MRPS18C: variants seen among roughly 807,000 people sequenced by gnomAD.
MRPS18C encodes small ribosomal subunit protein bS18m.
MRPS18C carries 21 observed loss-of-function variants against 21.0 expected under a neutral mutation model. The ratio of observed to expected loss-of-function variants is 1.00; its 90% CI spans 0.71 to 1.44. MRPS18C has a LOEUF of 1.44. Among genes scored for constraint, MRPS18C ranks in the 40% most tolerant of loss-of-function variants. The probability of loss-of-function intolerance (pLI) is 0.00; values close to 1 mark genes in which losing one functional copy is unlikely to be tolerated. For missense variants in MRPS18C, 152 were observed against 171.5 expected (o/e 0.89, Z 0.64); for synonymous variants, 65 against 54.3 (o/e 1.20, Z -0.87).
chr4:83,456,259 C>G (rs1721817456), intron 1 of MRPS18C, 82 bp downstream of exon 1: 1 of 693,584 alleles, frequency 1.4e-6, no homozygotes, highest in Non-Finnish European at 2.5e-6. Context: ...TCCCTGTTAG[C>G]AAAACGACTC....
chr4:83,459,471 A>G (rs1482122565), intron 3 of MRPS18C: 1 of 310,364 alleles, frequency 3.2e-6, no homozygotes, highest in Non-Finnish European at 5.9e-6. Context: ...TATTTTAGAA[A>G]GGTATCTGTG....
At chr4:83,459,144 C>CAAAAAAAAAAAA (rs59202184) in intron 3 of MRPS18C, 1 of 48,134 alleles carries the variant, frequency 2.1e-5, no homozygotes, top group Non-Finnish European at 4.6e-5. Flanking sequence ...AAAACTCTGT[C>CAAAAAAAAAAAA]AAAAAAAAAA....
rs756109273 is a variant in MRPS18C, at chr4:83,461,044, T to C, written c.352+12T>C. On this transcript the variant is annotated intron_variant, in intron 5 of 5. Coordinates refer to ENST00000295491, the MANE Select transcript of MRPS18C (RefSeq NM_016067.4). The stretch of plus-strand genomic sequence containing the variant: ...AGCTCAAATAATGGGTAAGAAAGAA[T>C]ACCTCAACAACTGAATTGAGCTAGC... The C allele has an allele frequency of 3.1e-6, 5 of 1,608,162 alleles. No individual in the cohort carries two copies. Among genetic ancestry groups the C allele is most frequent in the Middle Eastern group, 1.7e-4 (1 of 6,050 alleles).
At position 83,459,769 on chromosome 4, in the gene MRPS18C, T is replaced by G; in HGVS notation, c.264T>G (p.Thr88=). 1 of 1,611,040 alleles carries G rather than the reference T, an allele frequency of 6.2e-7. No individual in the cohort carries two copies. The highest frequency in any genetic ancestry group is 1.3e-5 in the African/African-American group (1 of 74,992). The stretch of plus-strand genomic sequence containing the variant: ...TGTCCCAGTTTGTTTCTCCATTTAC[T>G]GGATGCATTTATGGAAGGCACATTA... ...QLLSQFVSPF[T]GCIYGRHITG... The change falls in exon 4 of 6, where the codon ACT becomes ACG. Residue 88 remains threonine, a synonymous_variant. Transcript: ENST00000295491.
intron 4 of MRPS18C, 188 bp downstream of exon 4, chr4:83,459,985 A>T: frequency 2.1e-6 from 1 of 479,536 alleles, no homozygotes; most frequent in South Asian, 3.5e-5. Flanking sequence ...TTGCTGTCTT[A>T]TGCAGAGTTA....
At chr4:83,456,564 G>A (rs74350697) in intron 1 of MRPS18C, among the ~76,000 whole-genome samples, 4 of 152,024 alleles carry the variant, frequency 2.6e-5, no homozygotes, top group African/African-American at 9.7e-5. Flanking sequence ...TTTCTGGGAC[G>A]GGTCTGTTAC....
intron 2 of MRPS18C, 144 bp downstream of exon 2, chr4:83,457,102 A>C: frequency 1.6e-6 from 1 of 627,862 alleles, no homozygotes; most frequent in Non-Finnish European, 2.7e-6. Flanking sequence ...AAACAATTTG[A>C]TAATTACTCT....
rs567705389 is a variant in MRPS18C at position 83,456,076 on chromosome 4, C to A, written c.-2C>A. The A allele has an allele frequency of 6.2e-7, 1 of 1,612,342 alleles. No homozygotes were observed. The highest frequency in any genetic ancestry group is 8.5e-7 in the Non-Finnish European group (1 of 1,179,984). On this transcript the variant is annotated 5_prime_UTR_variant, in exon 1 of 6. Transcript: ENST00000295491. Reference sequence around the variant, plus strand: ...GAAAGGAAGTGGAAGAAACGCGGAACCATGGCCGCTGTGGTTGCTGTTTGC... The same window carrying A: ...GAAAGGAAGTGGAAGAAACGCGGAAACATGGCCGCTGTGGTTGCTGTTTGC...
chr4:83,456,179 TAA>T lies in MRPS18C; in HGVS notation c.100+4_100+5del. ...TTACACATCCCGGGACTCACACGGG[TAA>T]AGTCTCCATATCCTATGCTCCATTG... On this transcript the variant is annotated splice_donor_region_variant and intron_variant, in intron 1 of 5. Transcript: ENST00000295491. 2 of 1,610,480 alleles carry T rather than the reference TAA, an allele frequency of 1.2e-6. No individual in the cohort carries two copies. The highest frequency in any genetic ancestry group is 1.7e-6 in the Non-Finnish European group (2 of 1,177,292).
chr4:83,457,767 C>A (rs1473768469), intron 2 of MRPS18C: 1 of 152,660 alleles, frequency 6.6e-6, no homozygotes, highest in Non-Finnish European at 1.5e-5. Flanking sequence ...AGATTAAGAA[C>A]CTCTATCCTG....
At position 83,459,844 on chromosome 4, in the gene MRPS18C, A is replaced by G; in HGVS notation, c.292+47A>G. 1.4e-6 allele frequency: 2 copies of G among 1,457,344 alleles called. 1 individual carries two copies. Among genetic ancestry groups the G allele is most frequent in the Non-Finnish European group, 1.9e-6 (2 of 1,056,170 alleles). 90.3% of individuals were successfully genotyped at this position (1,457,344 alleles called of 1,614,324 possible). A position where few individuals can be genotyped will look rare whatever the true frequency, so the allele number is the denominator to read the frequency against. On this transcript the variant is annotated intron_variant, in intron 4 of 5. Transcript: ENST00000295491. ...GAATATAAATGTAGATACGAATTAT[A>G]TCAATCTATTTCTATCATTTAAGAA...
Position 83,459,746 on chromosome 4 carries a change from TC to T in MRPS18C, c.244del (p.Gln82SerfsTer35). ...HVDYKNVQLL[S>X]QFVSPFTGCI... ...ACATAAAACTCCAAAACAGCTTTTG[TC>T]CCAGTTTGTTTCTCCATTTACTGGA... On this transcript the variant is annotated frameshift_variant, in exon 4 of 6. Transcript: ENST00000295491. LOFTEE classifies it high-confidence loss of function. 6.2e-7 allele frequency: 1 copy of T among 1,610,420 alleles called. No homozygotes were observed. Among genetic ancestry groups the T allele is most frequent in the Non-Finnish European group, 8.5e-7 (1 of 1,178,242 alleles).
chr4:83,459,768 C>T lies in MRPS18C; in HGVS notation c.263C>T (p.Thr88Ile). The change falls in exon 4 of 6, where the codon ACT becomes ATT. Residue 88 changes from threonine to isoleucine, a missense_variant. Transcript: ENST00000295491. ...QLLSQFVSPF[T>I]GCIYGRHITG... ...TTGTCCCAGTTTGTTTCTCCATTTA[C>T]TGGATGCATTTATGGAAGGCACATT... The T allele has an allele frequency of 6.2e-7, 1 of 1,610,692 alleles. No individual in the cohort carries two copies. Among genetic ancestry groups the T allele is most frequent in the Non-Finnish European group, 8.5e-7 (1 of 1,178,238 alleles).
At chr4:83,459,596 C>A in intron 3 of MRPS18C, 144 bp from the exon 4 acceptor site, 1 of 659,762 alleles carries the variant, frequency 1.5e-6, no homozygotes, top group Non-Finnish European at 2.6e-6. Context: ...AGGAGGATAA[C>A]AATATTTTTT....
Position 83,456,893 on chromosome 4 carries a change from TTC to T in MRPS18C, c.101-14_101-13del, listed in dbSNP as rs1721854918. On this transcript the variant is annotated splice_polypyrimidine_tract_variant and intron_variant, in intron 1 of 5. Transcript: ENST00000295491. Reference sequence around the variant, plus strand: ...AGAAAAAGAAATGGTTAATTGCTGTTTCTGTTTAATCGCAGTGCTTTGGAGAA... The same window carrying T: ...AGAAAAAGAAATGGTTAATTGCTGTTTGTTTAATCGCAGTGCTTTGGAGAA... 1.4e-5 allele frequency: 22 copies of T among 1,609,926 alleles called. No homozygotes were observed. Among genetic ancestry groups the T allele is most frequent in the Non-Finnish European group, 1.9e-5 (22 of 1,179,234 alleles).
intron 4 of MRPS18C, 150 bp downstream of exon 4, chr4:83,459,947 A>T (rs919547426): frequency 1.2e-5 from 7 of 591,802 alleles, no homozygotes; most frequent in Non-Finnish European, 2.0e-5. Context: ...ACTATGAAAA[A>T]GTCTCTTAGG....
chr4:83,460,736 T>C (rs1722063211), intron 4 of MRPS18C: 4 of 433,042 alleles, frequency 9.2e-6, no homozygotes, highest in Non-Finnish European at 1.7e-5. Flanking sequence ...AAACCCCGTT[T>C]CTACTACAAA....
chr4:83,457,286 G>C, intron 2 of MRPS18C: 1 of 203,746 alleles, frequency 4.9e-6, no homozygotes. Flanking sequence ...ATAGCCCTTT[G>C]TAAGCAAATG....
intron 1 of MRPS18C, 34 bp downstream of exon 1, chr4:83,456,211 G>C (rs776827148): frequency 1.3e-6 from 2 of 1,582,878 alleles, no homozygotes; most frequent in Non-Finnish European, 1.7e-6. Context: ...CCATTGTAGC[G>C]CTGCAGGCAT....
Sources: gnomAD v4.1 joint callset for allele counts (sites outside exome capture counted in the v4.1 genomes callset) on GRCh38, gnomAD v4.1.1 for gene constraint, MANE v1.5 for transcripts, NCBI Gene and HGNC (gene_info 2026-07-23, HGNC 2026-07-21) for gene names.